Variants in DCC observed in about 807,000 individuals in gnomAD.
The protein encoded by DCC is DCC netrin 1 receptor.
A neutral mutation model predicts 172.5 loss-of-function variants in DCC; 58 were observed. The ratio of observed to expected loss-of-function variants is 0.34; its 90% CI spans 0.27 to 0.42. The LOEUF (loss-of-function observed/expected upper bound fraction) is 0.42. DCC is among the 10% of genes least tolerant of loss of function. The probability of loss-of-function intolerance (pLI) is 1.00; values close to 1 mark genes in which losing one functional copy is unlikely to be tolerated. For missense variants in DCC, 1,740 were observed against 1,791.0 expected, an observed-to-expected ratio of 0.97 and a Z score of 0.51; for synonymous variants, 709 against 644.5, an observed-to-expected ratio of 1.10 and a Z score of -1.52.
At chr18:52,926,434 T>G (rs921483344) in intron 5 of DCC, among the ~76,000 whole-genome samples, 9 of 151,820 alleles carry the variant, frequency 5.9e-5, no homozygotes, top group African/African-American at 2.2e-4. Flanking sequence ...AGAGGTAGTA[T>G]TATACTAACT....
In DCC at chr18:53,509,117, T is replaced by A. The variant is rs368012841; in HGVS notation, c.4111+9607T>A. Among the ~76,000 whole-genome samples, 6 of 152,172 alleles carry A rather than the reference T, an allele frequency of 3.9e-5. No individual in the cohort carries two copies. The East Asian group carries it at 7.7e-4, about 20-fold the overall frequency. The stretch of plus-strand genomic sequence containing the variant: ...CCTAGATCCCAGCTCTAACTTCCAG[T>A]TTAGCTATTCCCTGCACCAACTCTC... On this transcript the variant is annotated intron_variant, in intron 27 of 28. Coordinates refer to ENST00000442544, the MANE Select transcript of DCC (RefSeq NM_005215.4).
rs115485676 is a variant in DCC, at chr18:52,453,488, C to T, written c.91+112610C>T. On this transcript the variant is annotated intron_variant, in intron 1 of 28. Transcript: ENST00000442544. ...AAAGTCTGATCTTCATTAGTGGCTA[C>T]CCATAAAAGGTTTTCATTACAAGAT... Among the ~76,000 whole-genome samples, 1,426 of 152,198 alleles carry T rather than the reference C, an allele frequency of 9.4e-3. 31 individuals are homozygous for T. The highest frequency in any genetic ancestry group is 0.032 in the African/African-American group (1,336 of 41,530).
At chr18:52,469,946 A>C (rs779941788) in intron 1 of DCC, among the ~76,000 whole-genome samples, 2 of 152,202 alleles carry the variant, frequency 1.3e-5, no homozygotes, top group Non-Finnish European at 2.9e-5. Context: ...ACATTTGATC[A>C]TATTCTTTGG....
At chr18:52,883,472 C>A (rs969736409) in intron 2 of DCC, among the ~76,000 whole-genome samples, 3 of 148,024 alleles carry the variant, frequency 2.0e-5, no homozygotes, top group African/African-American at 7.5e-5. Flanking sequence ...TTTGTGTTTC[C>A]ACTGTATATT....
At chr18:52,973,993 T>G (rs964598180) in intron 5 of DCC, among the ~76,000 whole-genome samples, 1 of 152,148 alleles carries the variant, frequency 6.6e-6, no homozygotes, top group Non-Finnish European at 1.5e-5. Flanking sequence ...AAATAACAGA[T>G]GACCCTTTAT....
At chr18:52,836,752 C>T (rs923808024) in intron 2 of DCC, among the ~76,000 whole-genome samples, 2 of 152,130 alleles carry the variant, frequency 1.3e-5, no homozygotes, top group African/African-American at 2.4e-5. Flanking sequence ...GTGCACAGTG[C>T]ATGCTGTCAT....
chr18:52,535,781 A>C (rs1037651577), intron 1 of DCC, among the ~76,000 whole-genome samples: 1 of 152,232 alleles, frequency 6.6e-6, no homozygotes, highest in African/African-American at 2.4e-5. Context: ...TCATACATTC[A>C]ACACCCATTT....
chr18:52,964,419 A>T (rs1227619097), intron 5 of DCC, among the ~76,000 whole-genome samples: 5 of 152,198 alleles, frequency 3.3e-5, no homozygotes, highest in Admixed American at 6.6e-5. Context: ...TTATTAATTC[A>T]TCCATGAGGG....
At chr18:52,482,909 T>C (rs914961288) in intron 1 of DCC, among the ~76,000 whole-genome samples, 1 of 152,134 alleles carries the variant, frequency 6.6e-6, no homozygotes, top group African/African-American at 2.4e-5. Context: ...AGGGCTGCTT[T>C]AACAGATTAT....
At chr18:52,362,864 G>C (rs756953511) in intron 1 of DCC, among the ~76,000 whole-genome samples, 2 of 151,696 alleles carry the variant, frequency 1.3e-5, no homozygotes, top group Non-Finnish European at 2.9e-5. Context: ...TCTTTCTTTC[G>C]TTCATTCATT....
intron 14 of DCC, among the ~76,000 whole-genome samples, chr18:53,335,929 TACTC>T (rs1044032942): frequency 6.6e-6 from 1 of 152,122 alleles, no homozygotes; most frequent in African/African-American, 2.4e-5. Flanking sequence ...TCAAGAGACT[TACTC>T]ATTATCACGA....
At chr18:52,816,612 T>C (rs1285519923) in intron 2 of DCC, 1 of 152,150 alleles carries the variant, frequency 6.6e-6, no homozygotes, top group Non-Finnish European at 1.5e-5. Context: ...CACCACTGAG[T>C]GTTACCATTC....
In DCC at chr18:53,530,714, A is replaced by G; in HGVS notation, c.*61A>G. The G allele has an allele frequency of 1.1e-6, 1 of 880,684 alleles. No individual in the cohort carries two copies. The highest frequency in any genetic ancestry group is 2.0e-6 in the Non-Finnish European group (1 of 510,004). The allele number at this position is 880,684 out of a possible 1,614,324, so 54.6% of individuals were successfully genotyped here. On this transcript the variant is annotated 3_prime_UTR_variant, in exon 29 of 29. Coordinates refer to ENST00000442544, the MANE Select transcript of DCC (RefSeq NM_005215.4). ...GAACTTTGCAGCATACCAATTACCC[A>G]TAAACAGCACACCTGTGTCCAAGAA...
intron 1 of DCC, among the ~76,000 whole-genome samples, chr18:52,721,403 C>T (rs900777525): frequency 6.6e-6 from 1 of 152,152 alleles, no homozygotes; most frequent in Non-Finnish European, 1.5e-5. Context: ...CTGTGCCTAA[C>T]AGGACAGTGA....
At chr18:53,153,173 GA>G (rs1032727227) in intron 7 of DCC, among the ~76,000 whole-genome samples, 2 of 152,084 alleles carry the variant, frequency 1.3e-5, no homozygotes, top group African/African-American at 4.8e-5. Context: ...CTAACTTCTT[GA>G]AAATTTCAAA....
intron 11 of DCC, among the ~76,000 whole-genome samples, chr18:53,214,589 G>T (rs1261317868): frequency 6.6e-6 from 1 of 152,128 alleles, no homozygotes; most frequent in Non-Finnish European, 1.5e-5. Flanking sequence ...AAATGCCTGA[G>T]AACTTTTCTA....
intron 7 of DCC, among the ~76,000 whole-genome samples, chr18:53,086,879 A>G (rs2042921210): frequency 1.3e-5 from 2 of 149,940 alleles, no homozygotes; most frequent in Non-Finnish European, 3.0e-5. Flanking sequence ...GCAATAGTTT[A>G]CTGACAATGA....
At chr18:52,625,554 T>C (rs1392731862) in intron 1 of DCC, among the ~76,000 whole-genome samples, 1 of 152,050 alleles carries the variant, frequency 6.6e-6, no homozygotes, top group African/African-American at 2.4e-5. Flanking sequence ...CATTAATGTT[T>C]CTCTCTCTAC....
intron 26 of DCC, 95 bp from the exon 27 acceptor site, chr18:53,499,203 C>T (rs1429787770): frequency 4.1e-6 from 5 of 1,233,408 alleles, no homozygotes; most frequent in Admixed American, 1.8e-5. Context: ...CATCCTATCA[C>T]ATCTCTCTGA....
Sources: gnomAD v4.1 joint callset for allele counts (sites outside exome capture counted in the v4.1 genomes callset) on GRCh38, gnomAD v4.1.1 for gene constraint, MANE v1.5 for transcripts, NCBI Gene and HGNC (gene_info 2026-07-23, HGNC 2026-07-21) for gene names.